PHF3: variants seen among roughly 807,000 people sequenced by gnomAD.
PHF3 encodes PHD finger protein 3.
PHF3 carries 41 observed loss-of-function variants against 178.4 expected under a neutral mutation model. The ratio of observed to expected loss-of-function variants is 0.23; its 90% confidence interval spans 0.18 to 0.30. PHF3 has a LOEUF of 0.30. Ranked by LOEUF, PHF3 falls within the 10% of genes least tolerant of loss-of-function variation. PHF3 has a pLI of 1.00. For synonymous variants in PHF3, 842 were observed against 800.5 expected (o/e 1.05, Z -0.88); for missense variants, 2,346 against 2,398.1 (o/e 0.98, Z 0.45).
At chr6:63,677,659 C>T (rs1300031058) in intron 2 of PHF3, among the ~76,000 whole-genome samples, 1 of 151,900 alleles carries the variant, frequency 6.6e-6, no homozygotes, top group South Asian at 2.1e-4. Context: ...TTCTTTTTTT[C>T]TCCTGTTTAC....
At chr6:63,710,177 C>T (rs1767866026) in intron 14 of PHF3, among the ~76,000 whole-genome samples, 1 of 152,100 alleles carries the variant, frequency 6.6e-6, no homozygotes, top group African/African-American at 2.4e-5. Flanking sequence ...TAAATTGATA[C>T]AGTGTTAAAA....
intron 2 of PHF3, among the ~76,000 whole-genome samples, chr6:63,647,217 T>G (rs969527142): frequency 6.6e-6 from 1 of 152,034 alleles, no homozygotes; most frequent in African/African-American, 2.4e-5. Flanking sequence ...GAATTGACCT[T>G]TCTCAGCATA....
At chr6:63,693,646 A>G (rs758580253) in intron 5 of PHF3, among the ~76,000 whole-genome samples, 15 of 152,174 alleles carry the variant, frequency 9.9e-5, no homozygotes, top group East Asian at 1.9e-4. Context: ...AACGTTAACA[A>G]TTTTAACATT....
At position 63,725,453 on chromosome 6, in the gene PHF3, A is replaced by C. The variant is rs1336104018; in HGVS notation, c.*11745A>C. ...CCACTTAACATTAATTTTGAGTTTTATTAGCAATATAACTGAAGCTGATTG... is the reference window on the plus strand; with the variant it reads ...CCACTTAACATTAATTTTGAGTTTTCTTAGCAATATAACTGAAGCTGATTG... On this transcript the variant is annotated 3_prime_UTR_variant, in exon 16 of 16. Transcript: ENST00000262043. Among the ~76,000 whole-genome samples the C allele has an allele frequency of 1.3e-5, 2 of 152,198 alleles. No homozygotes were observed. Among genetic ancestry groups the C allele is most frequent in the East Asian group, 3.9e-4 (2 of 5,190 alleles).
chr6:63,691,981 A>G lies in PHF3; in HGVS notation c.2434A>G (p.Thr812Ala), dbSNP rs1229004806. 1 of 1,613,766 alleles carries G rather than the reference A, an allele frequency of 6.2e-7. No homozygotes were observed. Among genetic ancestry groups the G allele is most frequent in the Admixed American group, 1.7e-5 (1 of 60,026 alleles). ...AAAGCTTGGATTATCAAAACACACA[A>G]CAAATGATAGAACCAAATATATAGA... ...CEKLGLSKHT[T>A]NDRTKYIDDT... is the part of the protein sequence containing the mutation. Residue 812 changes from threonine (T) to alanine (A), a missense_variant, in exon 5 of 16, where the codon ACA becomes GCA. Coordinates refer to ENST00000262043, the MANE Select transcript of PHF3 (RefSeq NM_001370348.2).
chr6:63,700,880 T>G (rs766330868), intron 9 of PHF3, among the ~76,000 whole-genome samples: 1 of 152,140 alleles, frequency 6.6e-6, no homozygotes, highest in African/African-American at 2.4e-5. Flanking sequence ...CCTACATGCT[T>G]CTTTTAATTA....
At chr6:63,670,958 G>T (rs1765888526) in intron 2 of PHF3, among the ~76,000 whole-genome samples, 1 of 152,036 alleles carries the variant, frequency 6.6e-6, no homozygotes, top group African/African-American at 2.4e-5. Context: ...AACTCTTTTG[G>T]TGGTCCTGTT....
chr6:63,679,620 GAATCT>G (rs1330362449), intron 2 of PHF3: 3 of 320,742 alleles, frequency 9.4e-6, no homozygotes, highest in African/African-American at 6.5e-5. Context: ...CATGAACCTA[GAATCT>G]TTCAGGGTAT....
At position 63,722,849 on chromosome 6, in the gene PHF3, A is replaced by G. The variant is rs1181330449; in HGVS notation, c.*9141A>G. Among the ~76,000 whole-genome samples, 1 of 152,204 alleles carries G rather than the reference A, an allele frequency of 6.6e-6. No individual in the cohort carries two copies. The highest frequency in any genetic ancestry group is 1.5e-5 in the Non-Finnish European group (1 of 68,040). On this transcript the variant is annotated 3_prime_UTR_variant, in exon 16 of 16. Transcript: ENST00000262043. ...ACTGGTTGGAATGTTTGGCAGCTCT[A>G]TAGTTCTTCACCTATCAAACTACGT...
At chr6:63,643,959 A>T (rs890026205) in intron 1 of PHF3, among the ~76,000 whole-genome samples, 1 of 152,226 alleles carries the variant, frequency 6.6e-6, no homozygotes, top group African/African-American at 2.4e-5. Flanking sequence ...CCTGGTCTTC[A>T]GTATAGCTAT....
At chr6:63,683,657 T>A (rs2149581873) in intron 3 of PHF3, among the ~76,000 whole-genome samples, 1 of 152,216 alleles carries the variant, frequency 6.6e-6, no homozygotes, top group East Asian at 1.9e-4. Context: ...CTCGCACAGA[T>A]CCTGGTTTGT....
rs1766670335 is a variant in PHF3 at position 63,685,756 on chromosome 6, C to T, written c.2034C>T (p.Ser678=). ...KNLQPRQRRS[S]KSFSLDEPPL... ...TACAACCCCGCCAAAGAAGAAGCAGCAAAAGTTTTTCTTTAGATGAGCCAC... is the reference window on the plus strand; with the variant it reads ...TACAACCCCGCCAAAGAAGAAGCAGTAAAAGTTTTTCTTTAGATGAGCCAC... Residue 678 remains serine (S), a synonymous_variant, in exon 4 of 16, where the codon AGC becomes AGT. Transcript: ENST00000262043. 6.2e-7 allele frequency: 1 copy of T among 1,614,028 alleles called. No homozygotes were observed. Among genetic ancestry groups the T allele is most frequent in the Non-Finnish European group, 8.5e-7 (1 of 1,180,002 alleles).
rs765329550 is a variant in PHF3, at chr6:63,713,550, G to A, written c.5962G>A (p.Asp1988Asn). 2 of 1,613,642 alleles carry A rather than the reference G, an allele frequency of 1.2e-6. No individual in the cohort carries two copies. The highest frequency in any genetic ancestry group is 1.7e-6 in the Non-Finnish European group (2 of 1,179,884). Reference protein sequence around the residue: ...DRGTDGKASRDSRNVDKKPDK... With the variant: ...DRGTDGKASRNSRNVDKKPDK... ...AGGAACAGATGGAAAAGCAAGCAGA[G>A]ATAGTAGGAATGTAGACAAGAAGCC... Residue 1988 changes from aspartate to asparagine, a missense_variant, in exon 16 of 16, where the codon GAT becomes AAT. Transcript: ENST00000262043.
intron 4 of PHF3, among the ~76,000 whole-genome samples, chr6:63,686,986 C>A (rs967336832): frequency 2.4e-4 from 36 of 152,308 alleles, no homozygotes; most frequent in African/African-American, 8.4e-4. Context: ...CATTTGTGAT[C>A]CAGCCCGTGG....
In PHF3 at chr6:63,712,076, T is replaced by G; in HGVS notation, c.4488T>G (p.Ile1496Met). ...TGGAACAAAACACTGTTAAAGAAAT[T>G]CCATTTTTAAATGAGCAGACCAACT... ...SVMEQNTVKE[I>M]PFLNEQTNSK... The change falls in exon 16 of 16, where the codon ATT (isoleucine) becomes ATG (methionine). Residue 1496 changes from isoleucine (I) to methionine (M), a missense_variant. Physicochemically the swap from Ile to Met is conservative, Grantham distance 10. This residue lies in a region of PHF3 where 839 missense variants were observed against 806.9 expected (regional missense o/e 1.04). Transcript: ENST00000262043. 6.2e-7 allele frequency: 1 copy of G among 1,613,608 alleles called. No individual in the cohort carries two copies. The highest frequency in any genetic ancestry group is 8.5e-7 in the Non-Finnish European group (1 of 1,179,942).
rs1214987964 is a variant in PHF3 at position 63,702,643 on chromosome 6, A to G, written c.3231+4A>G. ...GGAAGCAGCCATGGAGATTCAGGTA[A>G]GGATAGATATGCCATGTTTTATAGC... On this transcript the variant is annotated splice_donor_region_variant and intron_variant, in intron 10 of 15. Transcript: ENST00000262043. The G allele has an allele frequency of 2.2e-5, 36 of 1,608,204 alleles. No homozygotes were observed. The highest frequency in any genetic ancestry group is 3.1e-5 in the Non-Finnish European group (36 of 1,177,186).
At chr6:63,665,067 A>T (rs890671264) in intron 2 of PHF3, among the ~76,000 whole-genome samples, 5 of 152,140 alleles carry the variant, frequency 3.3e-5, no homozygotes, top group African/African-American at 1.2e-4. Context: ...AAAATTTTTA[A>T]ATGTCCAGAT....
Position 63,715,371 on chromosome 6 carries a change from C to G in PHF3, c.*1663C>G, listed in dbSNP as rs3177381. On this transcript the variant is annotated 3_prime_UTR_variant, in exon 16 of 16. Coordinates refer to ENST00000262043, the MANE Select transcript of PHF3 (RefSeq NM_001370348.2). The stretch of plus-strand genomic sequence containing the variant: ...AGTTAGTTCCCAAACAAAACAAAAT[C>G]TAAGTTATAATTTGCACCATTACAA... 3 of 152,186 alleles carry G rather than the reference C, an allele frequency of 2.0e-5. No homozygotes were observed. Among genetic ancestry groups the G allele is most frequent in the African/African-American group, 7.2e-5 (3 of 41,546 alleles). 9.4% of individuals were successfully genotyped at this position (152,186 alleles called of 1,614,324 possible).
At chr6:63,682,097 G>T (rs1766464131) in intron 3 of PHF3, among the ~76,000 whole-genome samples, 1 of 152,100 alleles carries the variant, frequency 6.6e-6, no homozygotes, top group Non-Finnish European at 1.5e-5. Flanking sequence ...TCTCAACTGT[G>T]CCTCATGTTC....
Sources: gnomAD v4.1 joint callset for allele counts (sites outside exome capture counted in the v4.1 genomes callset) on GRCh38, gnomAD v4.1.1 for gene constraint, gnomAD v4.1.1 regional missense constraint, MANE v1.5 for transcripts, NCBI Gene and HGNC (gene_info 2026-07-23, HGNC 2026-07-21) for gene names.